DIS3L2: variants seen among roughly 807,000 people sequenced by gnomAD.
DIS3L2 encodes the protein DIS3 like 3'-5' exoribonuclease 2, also known as DIS3-like exonuclease 2.
A neutral mutation model predicts 97.5 loss-of-function variants in DIS3L2; 34 were observed. The ratio of observed to expected loss-of-function variants is 0.35; its 90% confidence interval spans 0.27 to 0.46. The LOEUF is 0.46. Ranked by LOEUF, DIS3L2 falls within the 20% of genes least tolerant of loss-of-function variation. The pLI is 1.00. For missense variants in DIS3L2, 1,038 were observed against 1,146.0 expected, an observed-to-expected ratio of 0.91 and a Z score of 1.36; for synonymous variants, 435 against 445.2, an observed-to-expected ratio of 0.98 and a Z score of 0.29.
chr2:232,202,719 G>A (rs1227969450), intron 9 of DIS3L2, among the ~76,000 whole-genome samples: 1 of 152,192 alleles, frequency 6.6e-6, no homozygotes, highest in Non-Finnish European at 1.5e-5. Flanking sequence ...TGAGTGTGGT[G>A]AGGCTGGGGA....
intron 9 of DIS3L2, among the ~76,000 whole-genome samples, chr2:232,174,062 A>G (rs1460185797): frequency 1.3e-5 from 2 of 152,154 alleles, no homozygotes; most frequent in African/African-American, 2.4e-5. Flanking sequence ...CTTCCAACCT[A>G]TGAACATGGG....
At chr2:232,096,186 A>G (rs573080163) in intron 6 of DIS3L2, among the ~76,000 whole-genome samples, 10 of 150,808 alleles carry the variant, frequency 6.6e-5, no homozygotes, top group Admixed American at 2.0e-4. Flanking sequence ...TCCTGGGTTC[A>G]TGCCATTCTC....
chr2:231,966,674 T>G (rs912294893), intron 1 of DIS3L2, among the ~76,000 whole-genome samples: 9 of 117,310 alleles, frequency 7.7e-5, no homozygotes, highest in African/African-American at 3.6e-4. Context: ...TTTTTTTTTT[T>G]TGTGGAGACA....
At chr2:232,334,047 C>T in intron 17 of DIS3L2, 60 bp downstream of exon 17, 1 of 1,554,140 alleles carries the variant, frequency 6.4e-7, no homozygotes, top group Non-Finnish European at 8.7e-7. Context: ...CCCACCCCCA[C>T]AGTGGGTGCT....
At chr2:232,261,435 G>A (rs553264042) in intron 12 of DIS3L2, among the ~76,000 whole-genome samples, 45 of 152,116 alleles carry the variant, frequency 3.0e-4, no homozygotes, top group African/African-American at 7.5e-4. Flanking sequence ...CATTGCCTCC[G>A]CTTCCGATGC....
At chr2:232,341,405 A>C (rs1057363888), downstream of DIS3L2, among the ~76,000 whole-genome samples, 1 of 152,242 alleles carries the variant, frequency 6.6e-6, no homozygotes, top group Non-Finnish European at 1.5e-5. Context: ...CTCGGGTTGG[A>C]TTAGTAGTAC....
chr2:232,254,510 C>T (rs1196813855), intron 12 of DIS3L2, among the ~76,000 whole-genome samples: 1 of 151,992 alleles, frequency 6.6e-6, no homozygotes. Context: ...AAACGTGTAG[C>T]TTTTATGTTT....
At chr2:232,259,687 C>T (rs1311249944) in intron 12 of DIS3L2, among the ~76,000 whole-genome samples, 3 of 152,092 alleles carry the variant, frequency 2.0e-5, no homozygotes, top group Non-Finnish European at 4.4e-5. Context: ...GGCGCAACTT[C>T]GGCTCGCTGC....
intron 10 of DIS3L2, among the ~76,000 whole-genome samples, chr2:232,222,760 C>G (rs191341179): frequency 1.3e-5 from 2 of 152,246 alleles, no homozygotes; most frequent in Non-Finnish European, 2.9e-5. Context: ...AGCCACTGCA[C>G]CCAGCTGGTG....
intron 3 of DIS3L2, among the ~76,000 whole-genome samples, chr2:232,022,905 C>G (rs1231138879): frequency 6.6e-6 from 1 of 152,190 alleles, no homozygotes; most frequent in African/African-American, 2.4e-5. Context: ...AGGGACTGGC[C>G]TTGGGGAGCT....
intron 8 of DIS3L2, among the ~76,000 whole-genome samples, chr2:232,153,858 G>T (rs756073247): frequency 9.2e-5 from 14 of 152,058 alleles, no homozygotes; most frequent in Non-Finnish European, 1.8e-4. Flanking sequence ...CGTAGATTTG[G>T]TCTTTTCACA....
intron 13 of DIS3L2, among the ~76,000 whole-genome samples, chr2:232,278,503 AC>A (rs1694203740): frequency 6.6e-6 from 1 of 151,960 alleles, no homozygotes; most frequent in Middle Eastern, 3.2e-3. Context: ...GCAACCATTA[AC>A]CTGTTTTGCC....
At chr2:232,027,071 A>G (rs1364421578) in intron 4 of DIS3L2, among the ~76,000 whole-genome samples, 1 of 152,178 alleles carries the variant, frequency 6.6e-6, no homozygotes, top group Non-Finnish European at 1.5e-5. Flanking sequence ...ACAGTCCTAC[A>G]TTCTTGCTTT....
rs918774052 is a variant in DIS3L2 at position 232,175,534 on chromosome 2, G to C, written c.1124+11902G>C. On this transcript the variant is annotated intron_variant, in intron 9 of 20. Coordinates refer to ENST00000325385, the MANE Select transcript of DIS3L2 (RefSeq NM_152383.5). ...GCCTCATAGAATGAGTTTTGGAAGA[G>C]TTTGTGAAGAATTTGGGGTATAGTT... is the stretch of plus-strand genomic sequence containing the variant. Among the ~76,000 whole-genome samples the C allele has an allele frequency of 4.6e-5, 7 of 152,142 alleles. No individual in the cohort carries two copies. The East Asian group carries it at 5.8e-4, about 13-fold the overall frequency.
At chr2:232,267,585 G>A (rs1457537745) in intron 13 of DIS3L2, among the ~76,000 whole-genome samples, 2 of 152,100 alleles carry the variant, frequency 1.3e-5, no homozygotes, top group African/African-American at 4.8e-5. Context: ...TCCCATAACA[G>A]GGGCCCAGAC....
chr2:232,156,417 T>C (rs1690496172), intron 8 of DIS3L2, among the ~76,000 whole-genome samples: 1 of 152,126 alleles, frequency 6.6e-6, no homozygotes, highest in African/African-American at 2.4e-5. Context: ...GTCATTTCTG[T>C]GGTTATATGC....
intron 8 of DIS3L2, among the ~76,000 whole-genome samples, chr2:232,163,060 A>G (rs1690699761): frequency 6.6e-6 from 1 of 152,204 alleles, no homozygotes; most frequent in Admixed American, 6.5e-5. Flanking sequence ...GAGTTGTGAA[A>G]TAGGAACATC....
chr2:232,271,150 C>T (rs1693999138), intron 13 of DIS3L2, among the ~76,000 whole-genome samples: 1 of 152,204 alleles, frequency 6.6e-6, no homozygotes, highest in East Asian at 1.9e-4. Flanking sequence ...CAGTATCTTG[C>T]TAAACTCTTG....
intron 4 of DIS3L2, among the ~76,000 whole-genome samples, chr2:232,029,106 G>A (rs2106238578): frequency 6.6e-6 from 1 of 152,152 alleles, no homozygotes; most frequent in African/African-American, 2.4e-5. Context: ...TCTATGTCAA[G>A]TGTCTCTATT....
Sources: gnomAD v4.1 joint callset for allele counts (sites outside exome capture counted in the v4.1 genomes callset) on GRCh38, gnomAD v4.1.1 for gene constraint, MANE v1.5 for transcripts, NCBI Gene and HGNC (gene_info 2026-07-23, HGNC 2026-07-21) for gene names.